The following MROH2B variants were observed in gnomAD, a reference collection of about 807,000 sequenced individuals.
MROH2B encodes the protein maestro heat-like repeat-containing protein family member 2B.
A neutral mutation model predicts 208.6 loss-of-function variants in MROH2B; 177 were observed. The ratio of observed to expected loss-of-function variants is 0.85; its 90% CI spans 0.75 to 0.96. MROH2B has a LOEUF of 0.96. Among genes scored for constraint, MROH2B ranks in the 40% least tolerant of loss-of-function variants. MROH2B has a pLI of 0.00. For synonymous variants in MROH2B, 728 were observed against 659.0 expected, an observed-to-expected ratio of 1.10 and a Z score of -1.60; for missense variants, 2,002 against 1,878.7, an observed-to-expected ratio of 1.07 and a Z score of -1.21.
At chr5:41,017,080 A>C (rs1280576778) in intron 28 of MROH2B, among the ~76,000 whole-genome samples, 3 of 152,186 alleles carry the variant, frequency 2.0e-5, no homozygotes, top group African/African-American at 7.2e-5. Flanking sequence ...GAATACCTAA[A>C]GAATGATGTG....
chr5:41,006,379 C>T (rs901763987), intron 34 of MROH2B, among the ~76,000 whole-genome samples: 6 of 152,078 alleles, frequency 3.9e-5, no homozygotes, highest in Non-Finnish European at 7.4e-5. Context: ...AATAATTTTT[C>T]ACTCTTGGTG....
chr5:41,049,058 C>A, intron 15 of MROH2B, 43 bp downstream of exon 15: 1 of 1,553,506 alleles, frequency 6.4e-7, no homozygotes, highest in Non-Finnish European at 8.7e-7. Context: ...CTATCCTTAT[C>A]AGCTTAAATT....
intron 7 of MROH2B, among the ~76,000 whole-genome samples, chr5:41,057,680 C>T (rs1743505338): frequency 6.7e-6 from 1 of 150,096 alleles, no homozygotes; most frequent in African/African-American, 2.5e-5. Flanking sequence ...CCTCAGCCTC[C>T]CGAGTAGCTG....
At chr5:41,039,064 T>C (rs1742857879) in intron 20 of MROH2B, among the ~76,000 whole-genome samples, 176 bp from the exon 21 acceptor site, 1 of 152,164 alleles carries the variant, frequency 6.6e-6, no homozygotes, top group Non-Finnish European at 1.5e-5. Context: ...GCCAGGATGG[T>C]CCTGTGGGAT....
chr5:41,008,551 C>T (rs1741666563), intron 33 of MROH2B, 55 bp downstream of exon 33: 1 of 1,587,998 alleles, frequency 6.3e-7, no homozygotes, highest in South Asian at 1.1e-5. Flanking sequence ...CAGCACCACT[C>T]CTGGAGTCTG....
intron 29 of MROH2B, 60 bp from the exon 30 acceptor site, chr5:41,012,795 T>TA: frequency 6.3e-7 from 1 of 1,589,672 alleles, no homozygotes; most frequent in African/African-American, 1.3e-5. Flanking sequence ...TCTAGATACT[T>TA]ACAACATGCT....
chr5:41,016,909 G>GT (rs11397254), intron 28 of MROH2B, among the ~76,000 whole-genome samples: 6,427 of 152,064 alleles, frequency 0.042, 447 homozygotes, highest in African/African-American at 0.15. Flanking sequence ...CTGCTGAAGA[G>GT]TTTTTTCTTT....
Position 41,058,127 on chromosome 5 carries a change from A to G in MROH2B, c.692T>C (p.Leu231Pro). The G allele has an allele frequency of 6.2e-7, 1 of 1,606,760 alleles. No homozygotes were observed. The highest frequency in any genetic ancestry group is 8.5e-7 in the Non-Finnish European group (1 of 1,176,374). The change falls in exon 7 of 42, where the codon CTG (leucine) becomes CCG (proline). Residue 231 changes from leucine (L) to proline (P), a missense_variant. Physicochemically the swap from Leu to Pro is moderately conservative, Grantham distance 98 (BLOSUM62 -3). Transcript: ENST00000399564. ...LHREDFRGYA[L>P]GQVPWLLNQY... ...GTTCAGGAGCCAGGGCACCTGGCCC[A>G]GGGCGTATCCACGGAAGTCTTCCCG...
At chr5:41,006,863 G>A (rs932662714) in intron 34 of MROH2B, among the ~76,000 whole-genome samples, 6 of 152,066 alleles carry the variant, frequency 3.9e-5, no homozygotes, top group Non-Finnish European at 8.8e-5. Flanking sequence ...TGAGGGATAA[G>A]CCTACATATT....
At chr5:41,031,367 T>C (rs1742563116) in intron 24 of MROH2B, among the ~76,000 whole-genome samples, 1 of 152,008 alleles carries the variant, frequency 6.6e-6, no homozygotes, top group Non-Finnish European at 1.5e-5. Context: ...CATGATCTAA[T>C]CACCCCACGC....
rs35848875 is a variant in MROH2B, at chr5:41,005,413, A to AGCCCCCCCC, written c.3864+117_3864+118insGGGGGGGGC. 3.4e-5 allele frequency: 7 copies of AGCCCCCCCC among 204,600 alleles called. 1 individual carries two copies. The highest frequency in any genetic ancestry group is 6.4e-5 in the Admixed American group (1 of 15,700). 12.7% of individuals were successfully genotyped at this position (204,600 alleles called of 1,614,324 possible). The stretch of plus-strand genomic sequence containing the variant: ...CAGTAGCTGGTCTCTCCTCTATGAA[A>AGCCCCCCCC]CCCCCCCCCCCCTTGAAGTCTCTCT... On this transcript the variant is annotated intron_variant, in intron 35 of 41. Coordinates refer to ENST00000399564, the MANE Select transcript of MROH2B (RefSeq NM_173489.5).
intron 9 of MROH2B, 47 bp from the exon 10 acceptor site, chr5:41,055,902 G>A: frequency 1.5e-6 from 2 of 1,349,460 alleles, no homozygotes; most frequent in Non-Finnish European, 2.1e-6. Flanking sequence ...TTCATCCTAG[G>A]TAAAATACTT....
intron 29 of MROH2B, among the ~76,000 whole-genome samples, chr5:41,013,229 T>C (rs374281786): frequency 1.3e-5 from 2 of 152,366 alleles, no homozygotes; most frequent in East Asian, 1.9e-4. Context: ...TGGATTATTA[T>C]GAGCCTTGTT....
chr5:41,003,053 C>CAT (rs1216892645), intron 37 of MROH2B, among the ~76,000 whole-genome samples: 1 of 151,246 alleles, frequency 6.6e-6, no homozygotes, highest in Non-Finnish European at 1.5e-5. Flanking sequence ...CTCTGCCTCC[C>CAT]GTGTTCAAGC....
intron 32 of MROH2B, 133 bp downstream of exon 32, chr5:41,009,147 A>G (rs1207165698): frequency 7.9e-7 from 1 of 1,268,838 alleles, no homozygotes; most frequent in African/African-American, 1.5e-5. Flanking sequence ...CCACAACTAT[A>G]AACTGGAGTA....
At chr5:41,000,176 C>G (rs1258006909) in intron 39 of MROH2B, 44 bp downstream of exon 39, 1 of 1,611,044 alleles carries the variant, frequency 6.2e-7, no homozygotes, top group African/African-American at 1.3e-5. Context: ...TTGTCTAGAC[C>G]CTTGTCCTGC....
At chr5:41,024,374 G>C (rs1742272788) in intron 24 of MROH2B, among the ~76,000 whole-genome samples, 1 of 151,938 alleles carries the variant, frequency 6.6e-6, no homozygotes, top group Non-Finnish European at 1.5e-5. Context: ...AAAAAGGCAG[G>C]GGTTGCAATC....
intron 11 of MROH2B, among the ~76,000 whole-genome samples, chr5:41,054,465 G>C (rs1310393620): frequency 1.3e-5 from 2 of 152,126 alleles, no homozygotes; most frequent in Non-Finnish European, 2.9e-5. Context: ...AAGTGCATTG[G>C]CATAGTGAGA....
At chr5:41,025,263 A>G (rs989382890) in intron 24 of MROH2B, among the ~76,000 whole-genome samples, 7 of 152,168 alleles carry the variant, frequency 4.6e-5, no homozygotes, top group African/African-American at 1.7e-4. Context: ...TTTTGAAAAG[A>G]TCAACAAAAT....
Sources: gnomAD v4.1 joint callset for allele counts (sites outside exome capture counted in the v4.1 genomes callset) on GRCh38, gnomAD v4.1.1 for gene constraint, MANE v1.5 for transcripts, NCBI Gene and HGNC (gene_info 2026-07-23, HGNC 2026-07-21) for gene names.